Variants in PASD1 observed in about 807,000 individuals in gnomAD.
The protein encoded by PASD1 is PAS domain containing repressor 1, also known as circadian clock protein PASD1.
In PASD1, 13 loss-of-function variants were observed where a neutral mutation model predicts 58.8. The ratio of observed to expected loss-of-function variants is 0.22; its 90% CI spans 0.14 to 0.35. The LOEUF is 0.35. Ranked by LOEUF, PASD1 falls within the 10% of genes least tolerant of loss-of-function variation. PASD1 has a pLI of 1.00. For synonymous variants in PASD1, 236 were observed against 216.7 expected (o/e 1.09, Z -0.78); for missense variants, 734 against 568.3 (o/e 1.29, Z -2.96).
intron 15 of PASD1, among the ~76,000 whole-genome samples, chrX:151,675,761 A>AG (rs753243732): frequency 8.9e-6 from 1 of 112,377 alleles, no homozygotes; most frequent in South Asian, 3.7e-4. Context: ...GACAACTTTG[A>AG]GAAAGCCCAG....
chrX:151,611,490 C>G (rs777953170), intron 3 of PASD1, among the ~76,000 whole-genome samples, 174 bp from the exon 4 acceptor site: 29 of 112,089 alleles, frequency 2.6e-4, no homozygotes, highest in Admixed American at 2.5e-3. Context: ...TAAGTAGATT[C>G]TGTGTAGGAG....
chrX:151,651,486 T>G (rs1055999451), intron 9 of PASD1, among the ~76,000 whole-genome samples: 1 of 111,687 alleles, frequency 9.0e-6, no homozygotes, highest in Non-Finnish European at 1.9e-5. Context: ...AAGAGCTAGG[T>G]AGGACAGAAG....
At chrX:151,601,993 A>T (rs2013422708) in intron 2 of PASD1, among the ~76,000 whole-genome samples, 1 of 112,718 alleles carries the variant, frequency 8.9e-6, no homozygotes. Context: ...AAATTCAAGT[A>T]CACTGATCAA....
At chrX:151,664,094 A>G in intron 10 of PASD1, 25 bp from the exon 11 acceptor site, 1 of 1,209,942 alleles carries the variant, frequency 8.3e-7, no homozygotes. Flanking sequence ...TTAAGTCATG[A>G]ACTCCCCTGT....
chrX:151,652,161 G>A (rs2014135697), intron 9 of PASD1, among the ~76,000 whole-genome samples: 1 of 111,700 alleles, frequency 9.0e-6, no homozygotes, highest in South Asian at 3.8e-4. Context: ...TGTTGCTCTA[G>A]AGGAACTTAC....
intron 1 of PASD1, among the ~76,000 whole-genome samples, chrX:151,577,875 A>C (rs996429834): frequency 9.0e-6 from 1 of 111,686 alleles, no homozygotes; most frequent in Non-Finnish European, 1.9e-5. Flanking sequence ...TGGGCAGGCT[A>C]TGCTGGGGAC....
intron 5 of PASD1, 136 bp from the exon 6 acceptor site, chrX:151,621,346 T>G: frequency 6.0e-6 from 3 of 497,493 alleles, no homozygotes; most frequent in Non-Finnish European, 6.6e-6. Flanking sequence ...GCTATGTAAG[T>G]GCTAATGTTC....
intron 1 of PASD1, among the ~76,000 whole-genome samples, chrX:151,596,155 T>C (rs1283725586): frequency 1.8e-5 from 2 of 112,080 alleles, no homozygotes; most frequent in Non-Finnish European, 3.8e-5. Flanking sequence ...TATAACAGAA[T>C]ACCTGAGACT....
chrX:151,643,314 G>A (rs2014019577), intron 8 of PASD1, among the ~76,000 whole-genome samples: 1 of 111,463 alleles, frequency 9.0e-6, no homozygotes. Flanking sequence ...GGTCAAGATT[G>A]CATCCTTCCT....
intron 1 of PASD1, among the ~76,000 whole-genome samples, chrX:151,580,508 C>CTTTTTTTT (rs200293926): frequency 2.3e-3 from 155 of 66,849 alleles, no homozygotes; most frequent in Middle Eastern, 0.012. Flanking sequence ...TTCTTTTTTT[C>CTTTTTTTT]TTTTTTTTTT....
At chrX:151,624,173 C>G (rs2013754971) in intron 7 of PASD1, among the ~76,000 whole-genome samples, 1 of 111,591 alleles carries the variant, frequency 9.0e-6, no homozygotes, top group African/African-American at 3.3e-5. Flanking sequence ...TACAAGTATT[C>G]TGACTTGGGA....
At chrX:151,649,355 A>G (rs1037539480) in intron 9 of PASD1, among the ~76,000 whole-genome samples, 3 of 112,029 alleles carry the variant, frequency 2.7e-5, no homozygotes, top group African/African-American at 6.5e-5. Context: ...TAACAGTGCT[A>G]CAGAGAGAAA....
chrX:151,632,651 A>G (rs984322391), intron 8 of PASD1, among the ~76,000 whole-genome samples: 1 of 111,427 alleles, frequency 9.0e-6, no homozygotes, highest in African/African-American at 3.3e-5. Flanking sequence ...TACTAATTCT[A>G]CTCTACTAAT....
intron 9 of PASD1, among the ~76,000 whole-genome samples, chrX:151,653,058 G>A (rs1385035707): frequency 9.1e-6 from 1 of 110,283 alleles, no homozygotes; most frequent in Non-Finnish European, 1.9e-5. Flanking sequence ...TGGAAGTTAA[G>A]GAGTCCAGTT....
chrX:151,615,266 A>G (rs1026082897), intron 4 of PASD1, among the ~76,000 whole-genome samples: 6 of 110,932 alleles, frequency 5.4e-5, no homozygotes, highest in Non-Finnish European at 7.5e-5. Context: ...TTCCCTATCA[A>G]GAAGCTCTTT....
At position 151,671,762 on chromosome X, in the gene PASD1, T is replaced by C. The variant is rs1165522659; in HGVS notation, c.1420T>C (p.Cys474Arg). The change falls in exon 13 of 16, where the codon TGT (cysteine) becomes CGT (arginine). Residue 474 changes from cysteine (C) to arginine (R), a missense_variant. Cys to Arg is a radical substitution (Grantham distance 180). Coordinates refer to ENST00000370357, the MANE Select transcript of PASD1 (RefSeq NM_173493.3). ...LKNTGELQEP[C>R]VAFNQQQLVQ... ...AAACACTGGGGAGCTTCAGGAGCCT[T>C]GTGTTGCCTTCAACCAGGTATGGAA... 2.5e-6 allele frequency: 3 copies of C among 1,206,449 alleles called. No homozygotes were observed. The highest frequency in any genetic ancestry group is 5.9e-5 in the East Asian group (2 of 33,830).
At chrX:151,651,929 C>T (rs928863862) in intron 9 of PASD1, among the ~76,000 whole-genome samples, 1 of 111,980 alleles carries the variant, frequency 8.9e-6, no homozygotes, top group African/African-American at 3.2e-5. Flanking sequence ...CCCAATGAGG[C>T]GTCTACTTTT....
intron 1 of PASD1, among the ~76,000 whole-genome samples, chrX:151,600,021 G>A (rs1368956788): frequency 2.7e-5 from 3 of 112,250 alleles, no homozygotes; most frequent in Non-Finnish European, 5.6e-5. Flanking sequence ...CCGGCACCTC[G>A]GGACGCCGAG....
chrX:151,616,066 C>T (rs185887967), intron 4 of PASD1, among the ~76,000 whole-genome samples: 1 of 111,854 alleles, frequency 8.9e-6, no homozygotes, highest in African/African-American at 3.2e-5. Context: ...GTGCTGTGAG[C>T]AAAAGGAAAA....
Sources: gnomAD v4.1 joint callset for allele counts (sites outside exome capture counted in the v4.1 genomes callset) on GRCh38, gnomAD v4.1.1 for gene constraint, MANE v1.5 for transcripts, NCBI Gene and HGNC (gene_info 2026-07-23, HGNC 2026-07-21) for gene names.